Variants in PHF14 observed in about 807,000 individuals in gnomAD.
PHF14 encodes the protein PHD finger protein 14.
A neutral mutation model predicts 117.9 loss-of-function variants in PHF14; 55 were observed. The observed-to-expected ratio is 0.47, with a 90% CI of 0.38 to 0.58. PHF14 has a LOEUF of 0.58. Among genes scored for constraint, PHF14 ranks in the 20% least tolerant of loss-of-function variants. The pLI, the probability that PHF14 is intolerant of heterozygous loss-of-function variation, is 0.00. For synonymous variants in PHF14, 409 were observed against 368.6 expected, an observed-to-expected ratio of 1.11 and a Z score of -1.26; for missense variants, 978 against 1,122.2, an observed-to-expected ratio of 0.87 and a Z score of 1.84.
intron 16 of PHF14, among the ~76,000 whole-genome samples, chr7:11,090,823 A>T (rs1270598346): frequency 2.0e-5 from 3 of 152,240 alleles, no homozygotes; most frequent in Non-Finnish European, 2.9e-5. Context: ...TCCTAAAAGG[A>T]TAAAGAAGTC....
chr7:11,134,757 G>A (rs1313111886), intron 17 of PHF14, among the ~76,000 whole-genome samples: 1 of 151,982 alleles, frequency 6.6e-6, no homozygotes, highest in Non-Finnish European at 1.5e-5. Flanking sequence ...AATCTGTTCA[G>A]TACTTAAAAA....
chr7:11,137,358 C>T (rs1289986184), intron 17 of PHF14, among the ~76,000 whole-genome samples: 1 of 151,418 alleles, frequency 6.6e-6, no homozygotes, highest in Admixed American at 6.6e-5. Flanking sequence ...TTGTGTGTGA[C>T]AGCTCTACAC....
chr7:11,073,811 ACT>A (rs1198659668), intron 16 of PHF14, among the ~76,000 whole-genome samples: 1 of 151,714 alleles, frequency 6.6e-6, no homozygotes, highest in East Asian at 1.9e-4. Context: ...AGATTTTTTC[ACT>A]CTCGCATTCT....
chr7:10,999,853 C>T (rs953899081), intron 4 of PHF14, among the ~76,000 whole-genome samples: 5 of 152,178 alleles, frequency 3.3e-5, no homozygotes, highest in African/African-American at 1.2e-4. Flanking sequence ...AGTCATGTAA[C>T]AACTCTTCTT....
chr7:11,054,136 A>C (rs1194637673), intron 14 of PHF14, among the ~76,000 whole-genome samples: 1 of 151,814 alleles, frequency 6.6e-6, no homozygotes, highest in Non-Finnish European at 1.5e-5. Context: ...GGTAGCATAG[A>C]GTACTGTGTG....
chr7:11,117,467 A>G (rs950171724), intron 17 of PHF14, among the ~76,000 whole-genome samples: 4 of 151,834 alleles, frequency 2.6e-5, no homozygotes, highest in Non-Finnish European at 5.9e-5. Flanking sequence ...TTTCTCAATA[A>G]TCATTTGTAT....
intron 17 of PHF14, among the ~76,000 whole-genome samples, chr7:11,153,541 A>G (rs1286341132): frequency 2.0e-5 from 3 of 152,120 alleles, no homozygotes; most frequent in Non-Finnish European, 4.4e-5. Context: ...CTGAAGATAT[A>G]AATGGGAAAG....
chr7:10,981,782 T>C (rs1368249821), intron 2 of PHF14, among the ~76,000 whole-genome samples: 2 of 152,232 alleles, frequency 1.3e-5, no homozygotes, highest in African/African-American at 4.8e-5. Context: ...TGTTGTCTCT[T>C]TTCACCTGTG....
Position 11,111,262 on chromosome 7 carries a change from A to G in PHF14, c.2655-88A>G, listed in dbSNP as rs527256218. On this transcript the variant is annotated intron_variant, in intron 16 of 17. Coordinates refer to ENST00000634607, the MANE Select transcript of PHF14 (RefSeq NM_001007157.2). The stretch of plus-strand genomic sequence containing the variant: ...ATTAACAGTGTTGAAGTTGAAATAT[A>G]CAATAGTTTGTCTTTTTGTCTTTTC... 80 of 600,368 alleles carry G rather than the reference A, an allele frequency of 1.3e-4. No homozygotes were observed. In the African/African-American group the frequency reaches 1.4e-3, roughly 11 times the overall value. The allele number at this position is 600,368 out of a possible 1,614,324, so 37.2% of individuals were successfully genotyped here.
At position 11,052,019 on chromosome 7, in the gene PHF14, T is replaced by G. The variant is rs959943263; in HGVS notation, c.2481+239T>G. ...CACACCAGAGCATCCATCACCCACC[T>G]TGAAAGACAGACCATTCCCAAAGCT... On this transcript the variant is annotated intron_variant, in intron 14 of 17. Transcript: ENST00000634607. Among the ~76,000 whole-genome samples, 48 of 152,190 alleles carry G rather than the reference T, an allele frequency of 3.2e-4. 1 individual carries two copies. Among genetic ancestry groups the G allele is most frequent in the Non-Finnish European group, 5.9e-5 (4 of 68,014 alleles).
intron 3 of PHF14, among the ~76,000 whole-genome samples, chr7:10,988,630 T>C (rs1410759601): frequency 6.6e-6 from 1 of 151,672 alleles, no homozygotes; most frequent in African/African-American, 2.4e-5. Flanking sequence ...GTAGTGCTCA[T>C]TGGAGCTTGC....
At chr7:11,028,038 G>T (rs1783984388) in intron 6 of PHF14, among the ~76,000 whole-genome samples, 5 of 151,984 alleles carry the variant, frequency 3.3e-5, no homozygotes, top group Non-Finnish European at 7.4e-5. Context: ...ACTTATGATG[G>T]GTTTACATCC....
At chr7:11,117,069 T>C (rs1454532340) in intron 17 of PHF14, among the ~76,000 whole-genome samples, 1 of 151,974 alleles carries the variant, frequency 6.6e-6, no homozygotes, top group African/African-American at 2.4e-5. Context: ...TGTCTTAATA[T>C]GGTTACATGA....
chr7:10,983,208 C>A (rs746155093), intron 3 of PHF14, 49 bp downstream of exon 3: 20 of 1,538,268 alleles, frequency 1.3e-5, no homozygotes, highest in Admixed American at 1.2e-4. Context: ...AAAGGGAATT[C>A]TTCTCTAAAT....
intron 14 of PHF14, among the ~76,000 whole-genome samples, chr7:11,057,600 G>T (rs933400953): frequency 1.3e-5 from 2 of 151,942 alleles, no homozygotes; most frequent in African/African-American, 2.4e-5. Context: ...TTTCAAACTC[G>T]TTACCTCAGG....
At chr7:11,116,093 C>T (rs1787594918) in intron 17 of PHF14, among the ~76,000 whole-genome samples, 1 of 151,954 alleles carries the variant, frequency 6.6e-6, no homozygotes, top group African/African-American at 2.4e-5. Flanking sequence ...CTGTTTTATT[C>T]AGTGGGGTTA....
intron 17 of PHF14, among the ~76,000 whole-genome samples, chr7:11,121,429 A>C (rs1157088686): frequency 3.3e-5 from 5 of 152,182 alleles, no homozygotes; most frequent in Admixed American, 6.6e-5. Flanking sequence ...TCTTTTAGAA[A>C]GGTAGACTCT....
At chr7:11,106,543 A>C in intron 16 of PHF14, 2 of 981,884 alleles carry the variant, frequency 2.0e-6, no homozygotes. Flanking sequence ...AATTTTGTGC[A>C]AGCTTGTATT....
intron 4 of PHF14, among the ~76,000 whole-genome samples, chr7:11,002,914 T>G (rs1329901838): frequency 6.6e-6 from 1 of 152,108 alleles, no homozygotes; most frequent in Non-Finnish European, 1.5e-5. Context: ...GTGCCACCTC[T>G]TGCTCCAGCT....
Sources: allele counts gnomAD v4.1 joint callset (sites outside exome capture counted in the v4.1 genomes callset), GRCh38; gene constraint gnomAD v4.1.1; transcripts MANE v1.5; gene names NCBI Gene and HGNC (gene_info 2026-07-23, HGNC 2026-07-21).